The following TMEM232 variants were observed in gnomAD, a reference collection of about 807,000 sequenced individuals.
TMEM232 encodes transmembrane protein 232.
A neutral mutation model predicts 78.8 loss-of-function variants in TMEM232; 80 were observed. That is an observed-to-expected ratio of 1.01 (90% CI 0.85 to 1.22). TMEM232 has a LOEUF of 1.22. Among genes scored for constraint, TMEM232 ranks in the 50% most tolerant of loss-of-function variants. TMEM232 has a pLI of 0.00. For missense variants in TMEM232, 881 were observed against 742.2 expected, an observed-to-expected ratio of 1.19 and a Z score of -2.17; for synonymous variants, 297 against 254.3, an observed-to-expected ratio of 1.17 and a Z score of -1.60.
intron 12 of TMEM232, among the ~76,000 whole-genome samples, chr5:110,425,894 T>C (rs1232789488): frequency 6.6e-6 from 1 of 152,196 alleles, no homozygotes; most frequent in African/African-American, 2.4e-5. Flanking sequence ...GTTCATTATT[T>C]CTCCATTAGC....
intron 2 of TMEM232, among the ~76,000 whole-genome samples, chr5:110,410,146 C>G (rs1755937696): frequency 6.6e-6 from 1 of 152,172 alleles, no homozygotes; most frequent in African/African-American, 2.4e-5. Flanking sequence ...AGAATACAGC[C>G]TGCTTTCCTT....
Position 110,407,665 on chromosome 5 carries a change from G to C in TMEM232, n.309-9811C>G, listed in dbSNP as rs539786555. ...AACAGCAGAGTTAAACTACACATTA[G>C]ATCTAATAGGCCTAATTGACATTTA... On this transcript the variant is annotated intron_variant and non_coding_transcript_variant, in intron 2 of 8. Coordinates refer to the TMEM232 transcript ENST00000507188. 2.0e-5 allele frequency among the ~76,000 whole-genome samples: 3 copies of C among 152,238 alleles called. No homozygotes were observed. In the East Asian group the frequency reaches 5.8e-4, roughly 29 times the overall value.
chr5:110,618,241 G>C (rs1009257716), intron 8 of TMEM232, among the ~76,000 whole-genome samples, 188 bp downstream of exon 8: 8 of 152,014 alleles, frequency 5.3e-5, no homozygotes, highest in Non-Finnish European at 1.2e-4. Context: ...CAGAAAAAGA[G>C]AGAAACGATG....
At chr5:110,397,921 A>G (rs893375135) in intron 2 of TMEM232, 2 of 152,592 alleles carry the variant, frequency 1.3e-5, no homozygotes, top group Non-Finnish European at 2.9e-5. Context: ...TCTTCTCTCA[A>G]TAACTTGTCA....
intron 1 of TMEM232, among the ~76,000 whole-genome samples, chr5:110,683,335 A>C (rs527710937): frequency 2.0e-5 from 3 of 152,022 alleles, no homozygotes; most frequent in Non-Finnish European, 4.4e-5. Flanking sequence ...TCACAATTAC[A>C]TAGATGTAAC....
intron 1 of TMEM232, among the ~76,000 whole-genome samples, chr5:110,681,450 A>G (rs1454160197): frequency 6.6e-6 from 1 of 152,228 alleles, no homozygotes; most frequent in Non-Finnish European, 1.5e-5. Flanking sequence ...CCTGTAAAAC[A>G]GAAATGATAA....
intron 10 of TMEM232, among the ~76,000 whole-genome samples, chr5:110,590,974 C>T (rs1779452680): frequency 6.6e-6 from 1 of 151,644 alleles, no homozygotes; most frequent in Non-Finnish European, 1.5e-5. Context: ...ACCTCCCTCC[C>T]TAGACACATG....
At chr5:110,471,918 A>C (rs191241229) in intron 12 of TMEM232, among the ~76,000 whole-genome samples, 7 of 152,198 alleles carry the variant, frequency 4.6e-5, no homozygotes, top group Non-Finnish European at 8.8e-5. Context: ...TACAACATAT[A>C]ACACAGAAAT....
At chr5:110,645,378 T>A (rs1362886267) in intron 2 of TMEM232, among the ~76,000 whole-genome samples, 1 of 149,928 alleles carries the variant, frequency 6.7e-6, no homozygotes, top group East Asian at 2.0e-4. Flanking sequence ...TTATACACCA[T>A]GACCAAGTGA....
At chr5:110,406,369 CT>C (rs1755794925) in intron 2 of TMEM232, among the ~76,000 whole-genome samples, 1 of 150,906 alleles carries the variant, frequency 6.6e-6, no homozygotes, top group South Asian at 2.1e-4. Flanking sequence ...TAGGTTGATT[CT>C]GTATCTTTGC....
At chr5:110,412,596 C>T (rs1756040827) in intron 2 of TMEM232, among the ~76,000 whole-genome samples, 1 of 150,944 alleles carries the variant, frequency 6.6e-6, no homozygotes, top group Non-Finnish European at 1.5e-5. Context: ...ATAACAATGA[C>T]AAGAAGAGAA....
chr5:110,667,405 T>A, intron 1 of TMEM232, 41 bp from the exon 2 acceptor site: 1 of 1,393,760 alleles, frequency 7.2e-7, no homozygotes, highest in Non-Finnish European at 9.5e-7. Context: ...ACAAATGCAC[T>A]CATAGTATCA....
At chr5:110,694,601 T>C (rs1308001264) in intron 1 of TMEM232, among the ~76,000 whole-genome samples, 1 of 151,882 alleles carries the variant, frequency 6.6e-6, no homozygotes, top group Non-Finnish European at 1.5e-5. Flanking sequence ...AATAAAGGGA[T>C]GGAGGAAGAT....
chr5:110,687,623 T>C (rs938893416), intron 1 of TMEM232, among the ~76,000 whole-genome samples: 2 of 152,156 alleles, frequency 1.3e-5, no homozygotes, highest in African/African-American at 2.4e-5. Flanking sequence ...TTTATATCTA[T>C]TGTTTTGGGA....
intron 4 of TMEM232, among the ~76,000 whole-genome samples, chr5:110,639,526 G>T (rs549031989): frequency 2.0e-5 from 3 of 152,252 alleles, no homozygotes; most frequent in African/African-American, 7.2e-5. Flanking sequence ...TGAGGACTGT[G>T]ATGACTACAC....
At chr5:110,508,241 A>G (rs1301251408) in intron 12 of TMEM232, among the ~76,000 whole-genome samples, 1 of 152,082 alleles carries the variant, frequency 6.6e-6, no homozygotes, top group African/African-American at 2.4e-5. Flanking sequence ...GCAATTACTG[A>G]TCATATATTG....
chr5:110,403,548 T>A (rs1301483814), intron 2 of TMEM232, among the ~76,000 whole-genome samples: 8 of 152,016 alleles, frequency 5.3e-5, no homozygotes, highest in Admixed American at 5.3e-4. Flanking sequence ...TAAAATTATA[T>A]CAGAAGATAT....
chr5:110,736,470 T>C (rs1799179195), intron 1 of TMEM232, among the ~76,000 whole-genome samples: 1 of 152,194 alleles, frequency 6.6e-6, no homozygotes, highest in African/African-American at 2.4e-5. Context: ...AGCACATTCT[T>C]CTATTGTGTA....
intron 2 of TMEM232, among the ~76,000 whole-genome samples, chr5:110,404,100 C>T (rs925545200): frequency 6.6e-6 from 1 of 152,004 alleles, no homozygotes; most frequent in East Asian, 1.9e-4. Context: ...ACCCTCTTCC[C>T]ATCTCGCCAT....
Sources: allele counts gnomAD v4.1 joint callset (sites outside exome capture counted in the v4.1 genomes callset), GRCh38; gene constraint gnomAD v4.1.1; transcripts MANE v1.5; gene names NCBI Gene and HGNC (gene_info 2026-07-23, HGNC 2026-07-21).